TNKS: variants seen among roughly 807,000 people sequenced by gnomAD.
The protein encoded by TNKS is poly [ADP-ribose] polymerase tankyrase-1.
TNKS carries 72 observed loss-of-function variants against 135.8 expected under a neutral mutation model. The ratio of observed to expected loss-of-function variants is 0.53; its 90% CI spans 0.44 to 0.64. TNKS has a LOEUF of 0.64. Ranked by LOEUF, TNKS falls within the 30% of genes least tolerant of loss-of-function variation. The pLI is 0.00. For missense variants in TNKS, 1,769 were observed against 1,674.0 expected (o/e 1.06, Z -0.99); for synonymous variants, 849 against 649.3 (o/e 1.31, Z -4.68).
intron 3 of TNKS, among the ~76,000 whole-genome samples, chr8:9,633,522 G>A (rs1251236967): frequency 6.6e-6 from 1 of 152,118 alleles, no homozygotes; most frequent in East Asian, 1.9e-4. Flanking sequence ...CCTCCAAGAA[G>A]GTGCCCAATC....
At position 9,704,777 on chromosome 8, in the gene TNKS, TC is replaced by T. The variant is rs773568407; in HGVS notation, c.1202+22del. On this transcript the variant is annotated intron_variant, in intron 6 of 26. Transcript: ENST00000310430. ...CAAAGGGTAGGTCTATCAGTTTACT[TC>T]CTGTCAGTGCTTTGTTTTTTGTCTG... 1.9e-6 allele frequency: 3 copies of T among 1,594,168 alleles called. No individual in the cohort carries two copies. Among genetic ancestry groups the T allele is most frequent in the Non-Finnish European group, 2.6e-6 (3 of 1,164,814 alleles).
chr8:9,636,337 A>G (rs1207738575), intron 3 of TNKS, among the ~76,000 whole-genome samples: 1 of 152,188 alleles, frequency 6.6e-6, no homozygotes, highest in Non-Finnish European at 1.5e-5. Flanking sequence ...ATTGATGTTA[A>G]TAAGTTATGT....
chr8:9,754,445 C>T (rs1585421092), intron 20 of TNKS, among the ~76,000 whole-genome samples: 1 of 152,244 alleles, frequency 6.6e-6, no homozygotes, highest in East Asian at 1.9e-4. Context: ...TTGGAGTTAA[C>T]TTAAAAACCA....
intron 3 of TNKS, among the ~76,000 whole-genome samples, chr8:9,628,119 C>T (rs922831645): frequency 1.1e-4 from 17 of 152,112 alleles, no homozygotes; most frequent in African/African-American, 3.9e-4. Context: ...TATCCATCTG[C>T]TCATATGTAT....
At chr8:9,748,239 A>G (rs934100831) in intron 18 of TNKS, 27 bp downstream of exon 18, 1 of 1,445,808 alleles carries the variant, frequency 6.9e-7, no homozygotes, top group Non-Finnish European at 9.2e-7. Context: ...GATACTGATT[A>G]TTGTTCCTTC....
chr8:9,707,781 C>G (rs904306428), intron 8 of TNKS, among the ~76,000 whole-genome samples: 1 of 152,182 alleles, frequency 6.6e-6, no homozygotes, highest in Non-Finnish European at 1.5e-5. Flanking sequence ...TTTTCAAGCT[C>G]TGCATTTCTC....
chr8:9,747,199 C>T (rs930813306), intron 17 of TNKS, among the ~76,000 whole-genome samples: 1 of 152,092 alleles, frequency 6.6e-6, no homozygotes, highest in Non-Finnish European at 1.5e-5. Context: ...TAAACTTTTA[C>T]AACTCAATTT....
rs553801757 is a variant in TNKS, at chr8:9,680,988, A to C, written c.1107+188A>C. ...CATTCATAGAACTGGTGAAGCATGGATCTTAAGTAAGCCTTTTCTCTTAAA... is the reference window on the plus strand; with the variant it reads ...CATTCATAGAACTGGTGAAGCATGGCTCTTAAGTAAGCCTTTTCTCTTAAA... On this transcript the variant is annotated intron_variant, in intron 5 of 26. Transcript: ENST00000310430. 3.6e-4 allele frequency: 160 copies of C among 439,558 alleles called. 1 individual carries two copies. In the South Asian group the frequency reaches 4.9e-3, roughly 13 times the overall value. The allele number at this position is 439,558 out of a possible 1,614,324, so 27.2% of individuals were successfully genotyped here. A position where few individuals can be genotyped will look rare whatever the true frequency, so the allele number is the denominator to read the frequency against.
At position 9,580,196 on chromosome 8, in the gene TNKS, G is replaced by T. The variant is rs1384754091; in HGVS notation, c.711G>T (p.Gln237His). ...GRKDVVEHLL[Q>H]MGANVHARDD... ...AGGATGTTGTAGAACACTTACTACAGATGGGTGCTAATGTCCACGCTCGTG... is the reference window on the plus strand; with the variant it reads ...AGGATGTTGTAGAACACTTACTACATATGGGTGCTAATGTCCACGCTCGTG... Residue 237 changes from glutamine (Q) to histidine (H), a missense_variant, in exon 2 of 27, where the codon CAG becomes CAT. Transcript: ENST00000310430. The T allele has an allele frequency of 1.2e-5, 20 of 1,614,024 alleles. No individual in the cohort carries two copies. Among genetic ancestry groups the T allele is most frequent in the Non-Finnish European group, 1.6e-5 (19 of 1,180,022 alleles).
At chr8:9,698,463 G>A (rs997117283) in intron 5 of TNKS, among the ~76,000 whole-genome samples, 1 of 148,880 alleles carries the variant, frequency 6.7e-6, no homozygotes, top group African/African-American at 2.5e-5. Context: ...TTTCCAATGT[G>A]ATAAATACCG....
intron 3 of TNKS, among the ~76,000 whole-genome samples, chr8:9,623,154 G>C (rs1489379960): frequency 6.6e-6 from 1 of 152,224 alleles, no homozygotes; most frequent in Non-Finnish European, 1.5e-5. Context: ...GGAAACTGCA[G>C]ATAATGGGGA....
intron 2 of TNKS, among the ~76,000 whole-genome samples, chr8:9,594,477 G>A (rs1563102837): frequency 6.6e-6 from 1 of 152,208 alleles, no homozygotes; most frequent in Non-Finnish European, 1.5e-5. Context: ...GTAATGGAGA[G>A]TGTAGACATA....
intron 2 of TNKS, 87 bp from the exon 3 acceptor site, chr8:9,615,495 A>G: frequency 9.5e-7 from 1 of 1,057,850 alleles, no homozygotes; most frequent in Non-Finnish European, 1.3e-6. Context: ...ATGTATGTTT[A>G]TGCCTACACC....
intron 11 of TNKS, among the ~76,000 whole-genome samples, chr8:9,711,279 T>G (rs1372610429): frequency 6.6e-6 from 1 of 152,198 alleles, no homozygotes; most frequent in African/African-American, 2.4e-5. Flanking sequence ...GGTCCACGTG[T>G]CAGCCATTGT....
chr8:9,653,798 C>G (rs756731294), intron 3 of TNKS, among the ~76,000 whole-genome samples: 2 of 152,154 alleles, frequency 1.3e-5, no homozygotes, highest in African/African-American at 2.4e-5. Flanking sequence ...CATTCTCTGC[C>G]CTTTCTTTCT....
chr8:9,590,635 A>C (rs78731121), intron 2 of TNKS, among the ~76,000 whole-genome samples: 2,448 of 152,192 alleles, frequency 0.016, 44 homozygotes, highest in South Asian at 0.067. Context: ...CCAGAACCTC[A>C]GTGTGGTTTT....
intron 13 of TNKS, among the ~76,000 whole-genome samples, chr8:9,727,576 T>C (rs902314707): frequency 6.6e-6 from 1 of 152,206 alleles, no homozygotes; most frequent in African/African-American, 2.4e-5. Flanking sequence ...TGCACCCAGC[T>C]TTGCCTTTAT....
chr8:9,567,367 C>T (rs1797582367), intron 1 of TNKS, among the ~76,000 whole-genome samples: 1 of 152,116 alleles, frequency 6.6e-6, no homozygotes, highest in Non-Finnish European at 1.5e-5. Context: ...TTTGAAGAAC[C>T]TCATAACTAA....
chr8:9,657,427 T>C (rs1254132711), intron 3 of TNKS, among the ~76,000 whole-genome samples: 10 of 81,670 alleles, frequency 1.2e-4, no homozygotes, highest in South Asian at 1.2e-3. Flanking sequence ...GGCGGAGGGC[T>C]GACCCCCCCA....
Sources: allele counts gnomAD v4.1 joint callset (sites outside exome capture counted in the v4.1 genomes callset), GRCh38; gene constraint gnomAD v4.1.1; transcripts MANE v1.5; gene names NCBI Gene and HGNC (gene_info 2026-07-23, HGNC 2026-07-21).